Variants in DMXL1 observed in about 807,000 individuals in gnomAD.
DMXL1 encodes Dmx like 1, also known as dmX-like protein 1.
A neutral mutation model predicts 319.2 loss-of-function variants in DMXL1; 99 were observed. That is an observed-to-expected ratio of 0.31 (90% CI 0.26 to 0.37). The LOEUF (loss-of-function observed/expected upper bound fraction) is 0.37. Among genes scored for constraint, DMXL1 ranks in the 10% least tolerant of loss-of-function variants. The pLI is 1.00. For synonymous variants in DMXL1, 1,385 were observed against 1,235.2 expected (o/e 1.12, Z -2.54); for missense variants, 3,745 against 3,595.6 (o/e 1.04, Z -1.06).
intron 19 of DMXL1, among the ~76,000 whole-genome samples, chr5:119,152,264 C>A (rs1364686342): frequency 6.6e-6 from 1 of 152,026 alleles, no homozygotes; most frequent in African/African-American, 2.4e-5. Flanking sequence ...TGGAGATGTT[C>A]TGTGTTATGT....
chr5:119,131,484 A>C (rs921034301), intron 10 of DMXL1, among the ~76,000 whole-genome samples: 2 of 152,222 alleles, frequency 1.3e-5, no homozygotes, highest in African/African-American at 4.8e-5. Flanking sequence ...CTAATGTAGC[A>C]TACTGAGGTT....
intron 39 of DMXL1, 114 bp from the exon 40 acceptor site, chr5:119,237,208 A>G: frequency 1.8e-6 from 1 of 547,578 alleles, no homozygotes. Context: ...GAAAAATCAC[A>G]TGACATACAG....
intron 38 of DMXL1, among the ~76,000 whole-genome samples, chr5:119,232,214 T>C (rs1377304058): frequency 1.3e-5 from 2 of 152,154 alleles, no homozygotes; most frequent in Non-Finnish European, 2.9e-5. Flanking sequence ...CCCCAATTTA[T>C]TTTTCTGATT....
At position 119,170,832 on chromosome 5, in the gene DMXL1, A is replaced by G. The variant is rs866656433; in HGVS notation, c.6041A>G (p.Asn2014Ser). The change falls in exon 24 of 44, where the codon AAT becomes AGT. Residue 2014 changes from asparagine to serine, a missense_variant. By Grantham distance (46) the Asn-to-Ser change is conservative. Around this residue, in one of 4 missense-constraint regions of DMXL1, gnomAD observed 1,382 missense variants for 1,269.5 expected, o/e 1.09. Coordinates refer to ENST00000539542, the MANE Select transcript of DMXL1 (RefSeq NM_001290321.3). Reference protein sequence around the residue: ...YTESFSTLDENDLLNPSEDII... With the variant: ...YTESFSTLDESDLLNPSEDII... ...GAATCTTTCAGCACACTAGATGAAA[A>G]TGACCTTTTAAATCCATCAGAAGAT... The G allele has an allele frequency of 6.2e-7, 1 of 1,612,100 alleles. No individual in the cohort carries two copies. The highest frequency in any genetic ancestry group is 8.5e-7 in the Non-Finnish European group (1 of 1,179,584).
At chr5:119,159,429 C>T (rs1244613566) in intron 19 of DMXL1, among the ~76,000 whole-genome samples, 2 of 152,204 alleles carry the variant, frequency 1.3e-5, no homozygotes, top group African/African-American at 4.8e-5. Flanking sequence ...GATTTATGTC[C>T]TTACTCATCA....
intron 42 of DMXL1, 64 bp from the exon 43 acceptor site, chr5:119,244,295 A>C: frequency 7.4e-7 from 1 of 1,353,136 alleles, no homozygotes. Context: ...CACTTTAGCC[A>C]AAAGCCAGAA....
chr5:119,139,160 A>G (rs1190324645), intron 13 of DMXL1, among the ~76,000 whole-genome samples: 1 of 151,962 alleles, frequency 6.6e-6, no homozygotes, highest in Non-Finnish European at 1.5e-5. Flanking sequence ...AAAGATCACT[A>G]CCACCTAATA....
intron 39 of DMXL1, chr5:119,236,332 CAA>C (rs929385676): frequency 1.3e-5 from 2 of 151,990 alleles, no homozygotes; most frequent in African/African-American, 4.8e-5. Context: ...TGCTCTTTAA[CAA>C]AACTTTCCCA....
Position 119,071,536 on chromosome 5 carries a change from G to A in DMXL1, c.-34G>A. On this transcript the variant is annotated 5_prime_UTR_variant, in exon 1 of 44. An upstream open reading frame in the 5' UTR gains an earlier in-frame stop. Transcript: ENST00000539542. The stretch of plus-strand genomic sequence containing the variant: ...AGCCGCTGACCCGTGGCATGAGCTG[G>A]ATGCGGTGTCCGTTGCAGGACTAGG... The A allele has an allele frequency of 1.9e-6, 3 of 1,578,800 alleles. No homozygotes were observed. The highest frequency in any genetic ancestry group is 2.3e-5 in the South Asian group (2 of 86,454).
chr5:119,236,337 CTT>C (rs1047806530), intron 39 of DMXL1: 2 of 152,024 alleles, frequency 1.3e-5, no homozygotes, highest in African/African-American at 4.8e-5. Context: ...TTTAACAAAA[CTT>C]TCCCATTTCT....
chr5:119,122,380 G>T (rs1399716535), intron 9 of DMXL1, among the ~76,000 whole-genome samples: 4 of 149,908 alleles, frequency 2.7e-5, no homozygotes, highest in Non-Finnish European at 6.0e-5. Flanking sequence ...CTTCCCAGTA[G>T]GGGCGACCGG....
chr5:119,229,362 G>A (rs1786222356), intron 38 of DMXL1, among the ~76,000 whole-genome samples: 1 of 152,056 alleles, frequency 6.6e-6, no homozygotes, highest in Non-Finnish European at 1.5e-5. Flanking sequence ...ATAATCTCTT[G>A]TCAAGAGAAA....
chr5:119,148,761 A>T lies in DMXL1; in HGVS notation c.2934A>T (p.Ile978=), dbSNP rs1487502999. 6.2e-7 allele frequency: 1 copy of T among 1,612,762 alleles called. No homozygotes were observed. The highest frequency in any genetic ancestry group is 1.7e-5 in the Admixed American group (1 of 59,860). ...PSAGHLSSSS[I]YPACSAPYLL... is the part of the protein sequence containing the mutation. ...TAGGACATCTGAGTTCATCTTCTAT[A>T]TATCCTGCATGCAGTGCTCCTTATT... The change falls in exon 18 of 44, where the codon ATA becomes ATT. Residue 978 remains isoleucine, a synonymous_variant. Coordinates refer to ENST00000539542, the MANE Select transcript of DMXL1 (RefSeq NM_001290321.3).
At chr5:119,072,546 ATAAAAG>A (rs1749857288) in intron 1 of DMXL1, among the ~76,000 whole-genome samples, 1 of 152,200 alleles carries the variant, frequency 6.6e-6, no homozygotes, top group African/African-American at 2.4e-5. Flanking sequence ...TTTAAAAAAA[ATAAAAG>A]TAAAACTTAA....
intron 8 of DMXL1, among the ~76,000 whole-genome samples, chr5:119,119,835 G>A (rs1371721792): frequency 6.6e-6 from 1 of 151,776 alleles, no homozygotes; most frequent in Non-Finnish European, 1.5e-5. Flanking sequence ...TATTGAAAAC[G>A]AAGTGATTTT....
intron 23 of DMXL1, among the ~76,000 whole-genome samples, chr5:119,168,917 T>C (rs1445007223): frequency 6.6e-6 from 1 of 152,020 alleles, no homozygotes; most frequent in Non-Finnish European, 1.5e-5. Context: ...TTTTTCTTCT[T>C]TCTTGAGGTG....
chr5:119,075,241 CTTTT>C (rs201088042), intron 1 of DMXL1, among the ~76,000 whole-genome samples: 4 of 122,670 alleles, frequency 3.3e-5, no homozygotes, highest in Non-Finnish European at 1.7e-5. Flanking sequence ...CTTTTTTTTT[CTTTT>C]TTTTTTTTTT....
At chr5:119,142,490 C>G (rs1005154378) in intron 13 of DMXL1, among the ~76,000 whole-genome samples, 1 of 147,194 alleles carries the variant, frequency 6.8e-6, no homozygotes, top group African/African-American at 2.5e-5. Context: ...CCATCTCACA[C>G]CAGTCAGAAT....
chr5:119,143,072 C>A (rs1767771057), intron 13 of DMXL1, among the ~76,000 whole-genome samples: 1 of 151,930 alleles, frequency 6.6e-6, no homozygotes, highest in South Asian at 2.1e-4. Context: ...CTGGGGACTT[C>A]TTCATGTTGG....
Sources: allele counts gnomAD v4.1 joint callset (sites outside exome capture counted in the v4.1 genomes callset), GRCh38; gene constraint gnomAD v4.1.1; regional missense constraint gnomAD v4.1.1; transcripts MANE v1.5; gene names NCBI Gene and HGNC (gene_info 2026-07-23, HGNC 2026-07-21).